The following AGBL4 variants were observed in gnomAD, a reference collection of about 807,000 sequenced individuals.
AGBL4 encodes the protein AGBL carboxypeptidase 4, also known as cytosolic carboxypeptidase 6.
In AGBL4, 58 loss-of-function variants were observed where a neutral mutation model predicts 66.4. The observed-to-expected ratio is 0.87, with a 90% confidence interval of 0.71 to 1.09. The LOEUF is 1.09. Ranked by LOEUF, AGBL4 falls within the 50% of genes least tolerant of loss-of-function variation. AGBL4 has a pLI of 0.00. For missense variants in AGBL4, 579 were observed against 631.0 expected (o/e 0.92, Z 0.88); for synonymous variants, 234 against 222.9 (o/e 1.05, Z -0.44).
chr1:49,589,403 A>C (rs1356920093), intron 3 of AGBL4, among the ~76,000 whole-genome samples: 1 of 152,044 alleles, frequency 6.6e-6, no homozygotes, highest in Admixed American at 6.6e-5. Flanking sequence ...TCCCTTTTTC[A>C]CTATACCATA....
intron 1 of AGBL4, among the ~76,000 whole-genome samples, chr1:49,912,010 T>C (rs372923630): frequency 1.3e-5 from 2 of 152,222 alleles, no homozygotes; most frequent in East Asian, 1.9e-4. Context: ...CAGCAGATCC[T>C]GAGGGGCTAA....
chr1:49,282,996 G>A (rs926235451), intron 3 of AGBL4, among the ~76,000 whole-genome samples: 7 of 152,242 alleles, frequency 4.6e-5, no homozygotes, highest in African/African-American at 7.2e-5. Flanking sequence ...CAGCTGGGAA[G>A]CTGGAACTGG....
chr1:49,060,660 A>C (rs922915554), intron 4 of AGBL4, among the ~76,000 whole-genome samples: 2 of 152,138 alleles, frequency 1.3e-5, no homozygotes, highest in African/African-American at 4.8e-5. Context: ...ACCTGCACAC[A>C]CTGAGTGGGG....
chr1:49,116,427 A>T (rs1298161457), intron 4 of AGBL4, among the ~76,000 whole-genome samples: 1 of 152,118 alleles, frequency 6.6e-6, no homozygotes, highest in Non-Finnish European at 1.5e-5. Context: ...GTGTCCAAGT[A>T]TTCTCATTGT....
At chr1:48,858,917 G>A (rs1647265123) in intron 6 of AGBL4, among the ~76,000 whole-genome samples, 1 of 152,086 alleles carries the variant, frequency 6.6e-6, no homozygotes, top group South Asian at 2.1e-4. Flanking sequence ...CTAAAAGTAT[G>A]ATAAAGTATA....
chr1:49,238,877 A>C (rs1371132281), intron 4 of AGBL4, among the ~76,000 whole-genome samples: 3 of 152,186 alleles, frequency 2.0e-5, no homozygotes, highest in African/African-American at 7.2e-5. Context: ...TGTGGCAAAA[A>C]GGAAACCCAC....
At chr1:49,554,126 C>T (rs997979062) in intron 3 of AGBL4, among the ~76,000 whole-genome samples, 3 of 152,212 alleles carry the variant, frequency 2.0e-5, no homozygotes, top group South Asian at 4.1e-4. Context: ...AAGCAAGATC[C>T]TGTCTAGAAA....
chr1:49,986,538 G>C (rs1362258917), intron 1 of AGBL4, among the ~76,000 whole-genome samples: 1 of 152,028 alleles, frequency 6.6e-6, no homozygotes, highest in Non-Finnish European at 1.5e-5. Context: ...CCTAGCAGTA[G>C]GTCATAGAGC....
chr1:49,845,054 C>G (rs1308851400), intron 2 of AGBL4: 2 of 1,453,672 alleles, frequency 1.4e-6, no homozygotes, highest in Admixed American at 3.8e-5. Context: ...CTACAGAAAA[C>G]CTATGTAAAA....
intron 4 of AGBL4, among the ~76,000 whole-genome samples, chr1:49,214,733 C>T (rs1390956799): frequency 6.6e-6 from 1 of 152,216 alleles, no homozygotes; most frequent in Non-Finnish European, 1.5e-5. Context: ...ACACCATCTG[C>T]TGGTAGACTG....
chr1:48,613,574 T>C (rs1451640593), intron 9 of AGBL4, among the ~76,000 whole-genome samples: 1 of 152,228 alleles, frequency 6.6e-6, no homozygotes, highest in Non-Finnish European at 1.5e-5. Flanking sequence ...AGGACACGCT[T>C]TGGCTAACGG....
At position 48,653,456 on chromosome 1, in the gene AGBL4, G is replaced by T. The variant is rs1205754471; in HGVS notation, c.725-5C>A. The T allele has an allele frequency of 1.9e-6, 3 of 1,548,526 alleles. No individual in the cohort carries two copies. The South Asian group carries it at 3.6e-5, about 19-fold the overall frequency. ...TTACAAGGAAGTCAATGATCCCTAGGGAAAGAGAAGAGCCCGGTTTAACAA... is the reference window on the plus strand; with the variant it reads ...TTACAAGGAAGTCAATGATCCCTAGTGAAAGAGAAGAGCCCGGTTTAACAA... On this transcript the variant is annotated splice_region_variant and splice_polypyrimidine_tract_variant and intron_variant, in intron 7 of 13. Transcript: ENST00000371839.
intron 5 of AGBL4, among the ~76,000 whole-genome samples, chr1:48,918,081 A>G (rs1022225623): frequency 3.9e-5 from 6 of 152,168 alleles, no homozygotes; most frequent in African/African-American, 1.4e-4. Context: ...CCTGGGAGAT[A>G]AACAGATCAA....
intron 4 of AGBL4, among the ~76,000 whole-genome samples, chr1:49,058,152 C>G (rs1462705964): frequency 6.6e-6 from 1 of 152,212 alleles, no homozygotes; most frequent in African/African-American, 2.4e-5. Context: ...CAGAATCCTG[C>G]AAAATGTAGT....
chr1:49,646,009 T>C (rs1645881379), intron 3 of AGBL4, among the ~76,000 whole-genome samples: 1 of 151,652 alleles, frequency 6.6e-6, no homozygotes, highest in Non-Finnish European at 1.5e-5. Context: ...AAACTACTAA[T>C]AGAAGCAAAA....
chr1:49,555,042 A>C (rs543196640), intron 3 of AGBL4, among the ~76,000 whole-genome samples: 3 of 152,284 alleles, frequency 2.0e-5, no homozygotes, highest in Admixed American at 2.0e-4. Context: ...CCACAGGAAG[A>C]AGGGGAACCG....
At chr1:49,160,761 A>C (rs1048115158) in intron 4 of AGBL4, among the ~76,000 whole-genome samples, 1 of 152,190 alleles carries the variant, frequency 6.6e-6, no homozygotes, top group African/African-American at 2.4e-5. Flanking sequence ...GAGAGGAGGA[A>C]TCCAGAGAGG....
At chr1:49,519,021 A>G (rs1471507058) in intron 3 of AGBL4, among the ~76,000 whole-genome samples, 2 of 152,144 alleles carry the variant, frequency 1.3e-5, no homozygotes, top group Non-Finnish European at 2.9e-5. Flanking sequence ...CTCTACTAAA[A>G]ATAAGTTTGC....
At chr1:49,525,380 G>C (rs529595218) in intron 3 of AGBL4, among the ~76,000 whole-genome samples, 3 of 152,170 alleles carry the variant, frequency 2.0e-5, no homozygotes, top group African/African-American at 4.8e-5. Context: ...TCAGTGACAA[G>C]AAGAAGCCAT....
Sources: allele counts gnomAD v4.1 joint callset (sites outside exome capture counted in the v4.1 genomes callset), GRCh38; gene constraint gnomAD v4.1.1; transcripts MANE v1.5; gene names NCBI Gene and HGNC (gene_info 2026-07-23, HGNC 2026-07-21).